The following LPIN2 variants were observed in gnomAD, a reference collection of about 807,000 sequenced individuals.
LPIN2 encodes phosphatidate phosphatase LPIN2.
In LPIN2, 55 loss-of-function variants were observed where a neutral mutation model predicts 111.4. The observed-to-expected ratio is 0.49, with a 90% confidence interval of 0.40 to 0.62. The LOEUF is 0.62. Ranked by LOEUF, LPIN2 falls within the 20% of genes least tolerant of loss-of-function variation. The pLI, the probability that LPIN2 is intolerant of heterozygous loss-of-function variation, is 0.00. For synonymous variants in LPIN2, 425 were observed against 414.0 expected, an observed-to-expected ratio of 1.03 and a Z score of -0.32; for missense variants, 992 against 1,112.1, an observed-to-expected ratio of 0.89 and a Z score of 1.54.
intron 1 of LPIN2, among the ~76,000 whole-genome samples, chr18:3,008,705 C>T (rs1433451479): frequency 5.3e-5 from 8 of 151,998 alleles, no homozygotes. Context: ...TCCTTCCTTC[C>T]CTCCTTCCCA....
chr18:2,975,752 AT>A (rs1420204784), intron 1 of LPIN2, among the ~76,000 whole-genome samples: 1 of 152,238 alleles, frequency 6.6e-6, no homozygotes, highest in African/African-American at 2.4e-5. Flanking sequence ...GCGACTATTG[AT>A]AACCATAAGC....
intron 1 of LPIN2, among the ~76,000 whole-genome samples, chr18:3,008,991 G>A (rs1350608948): frequency 6.6e-6 from 1 of 151,624 alleles, no homozygotes; most frequent in Admixed American, 6.6e-5. Context: ...ATCTGTCCGG[G>A]TGCGGTGGCT....
chr18:2,987,429 C>T lies in LPIN2; in HGVS notation c.-10+25658G>A, dbSNP rs146251789. On this transcript the variant is annotated intron_variant, in intron 1 of 19. Coordinates refer to ENST00000677752, the MANE Select transcript of LPIN2 (RefSeq NM_001375808.2). ...GAGTTGATTATATCATTAAGACAAT[C>T]CAAAGAAAATATAAGTGAAAATTAT... 7.4e-3 allele frequency among the ~76,000 whole-genome samples: 1,127 copies of T among 152,272 alleles called. 16 individuals are homozygous for T. The highest frequency in any genetic ancestry group is 0.026 in the African/African-American group (1,074 of 41,556).
At chr18:2,924,670 A>G (rs2077104422) in intron 14 of LPIN2, 124 bp from the exon 15 acceptor site, 18 of 950,936 alleles carry the variant, frequency 1.9e-5, no homozygotes, top group Non-Finnish European at 3.0e-5. Context: ...CCGGGGTCTT[A>G]GACACAGCCC....
intron 1 of LPIN2, among the ~76,000 whole-genome samples, chr18:2,972,672 G>A (rs1026886400): frequency 6.6e-5 from 10 of 152,112 alleles, no homozygotes; most frequent in African/African-American, 1.4e-4. Flanking sequence ...ATCCTAAAAC[G>A]GTAAGCAGCA....
At chr18:2,926,275 T>C (rs1598524764) in intron 13 of LPIN2, among the ~76,000 whole-genome samples, 1 of 150,938 alleles carries the variant, frequency 6.6e-6, no homozygotes, top group South Asian at 2.1e-4. Context: ...CCGGGGGAGG[T>C]GGACAGGCAG....
At chr18:2,986,266 T>C (rs1449170175) in intron 1 of LPIN2, among the ~76,000 whole-genome samples, 1 of 152,244 alleles carries the variant, frequency 6.6e-6, no homozygotes, top group Non-Finnish European at 1.5e-5. Context: ...GTAATGGTTA[T>C]ATAGTTTACT....
intron 15 of LPIN2, 69 bp from the exon 16 acceptor site, chr18:2,923,930 G>A: frequency 1.6e-6 from 2 of 1,258,096 alleles, no homozygotes; most frequent in Middle Eastern, 3.7e-4. Context: ...CTATTTGGTT[G>A]ACTATCAGCT....
At chr18:2,938,573 A>G (rs368233334) in intron 6 of LPIN2, among the ~76,000 whole-genome samples, 1 of 152,214 alleles carries the variant, frequency 6.6e-6, no homozygotes, top group Non-Finnish European at 1.5e-5. Flanking sequence ...ATACTGGAGA[A>G]GACTGAGGAA....
chr18:2,919,044 C>T lies in LPIN2; in HGVS notation c.*1249G>A, dbSNP rs552810058. 1.3e-5 allele frequency: 2 copies of T among 152,342 alleles called. No individual in the cohort carries two copies. The highest frequency in any genetic ancestry group is 2.4e-5 in the African/African-American group (1 of 41,576). 9.4% of individuals were successfully genotyped at this position (152,342 alleles called of 1,614,324 possible). ...CTGTCAACACTCAGCATACCAAAAG[C>T]TCTGGAGCAGCTTATGGCACACCTT... On this transcript the variant is annotated 3_prime_UTR_variant, in exon 20 of 20. Transcript: ENST00000677752.
chr18:3,009,469 C>T (rs2078566993), intron 1 of LPIN2, among the ~76,000 whole-genome samples: 1 of 151,936 alleles, frequency 6.6e-6, no homozygotes, highest in African/African-American at 2.4e-5. Flanking sequence ...GACAGAGTCT[C>T]GCTCTGTCAC....
intron 11 of LPIN2, 90 bp from the exon 12 acceptor site, chr18:2,927,901 A>G: frequency 9.6e-7 from 1 of 1,047,018 alleles, no homozygotes; most frequent in Non-Finnish European, 1.5e-6. Context: ...GGGCCTTACT[A>G]TGGAATGTGA....
At chr18:2,970,142 C>T (rs914596749) in intron 1 of LPIN2, among the ~76,000 whole-genome samples, 5 of 152,206 alleles carry the variant, frequency 3.3e-5, no homozygotes, top group South Asian at 2.1e-4. Flanking sequence ...CTTTGGGATA[C>T]GTAAGAAGAG....
chr18:2,928,546 A>G (rs1336684186), intron 11 of LPIN2, 45 bp downstream of exon 11: 1 of 1,572,178 alleles, frequency 6.4e-7, no homozygotes, highest in Non-Finnish European at 8.8e-7. Flanking sequence ...AGTACTAGAC[A>G]CTGCGGATGC....
At chr18:2,923,061 C>T (rs932597727) in intron 16 of LPIN2, among the ~76,000 whole-genome samples, 43 of 152,092 alleles carry the variant, frequency 2.8e-4, no homozygotes, top group African/African-American at 9.7e-4. Context: ...AAAGGGTGCC[C>T]CAAGAGAGAG....
chr18:2,979,333 T>C (rs1056561068), intron 1 of LPIN2, among the ~76,000 whole-genome samples: 2 of 152,126 alleles, frequency 1.3e-5, no homozygotes, highest in Non-Finnish European at 2.9e-5. Context: ...GTATGCTGAG[T>C]ATGTAATCAG....
In LPIN2 at chr18:2,917,837, G is replaced by T. The variant is rs982596315; in HGVS notation, c.*2456C>A. ...CATTTCACCAATGGAGTAACTGAGA[G>T]AATAATGACTTAGAGCCCAATCTGC... On this transcript the variant is annotated 3_prime_UTR_variant, in exon 20 of 20. Coordinates refer to ENST00000677752, the MANE Select transcript of LPIN2 (RefSeq NM_001375808.2). 1.3e-5 allele frequency: 2 copies of T among 152,158 alleles called. No homozygotes were observed. Among genetic ancestry groups the T allele is most frequent in the Admixed American group, 1.3e-4 (2 of 15,276 alleles). The allele number at this position is 152,158 out of a possible 1,614,324, so 9.4% of individuals were successfully genotyped here. A position where few individuals can be genotyped will look rare whatever the true frequency, so the allele number is the denominator to read the frequency against.
At chr18:2,946,353 C>T in intron 4 of LPIN2, 1 of 1,500,708 alleles carries the variant, frequency 6.7e-7, no homozygotes. Flanking sequence ...TTATGTCTAC[C>T]TTTTGTACAG....
intron 1 of LPIN2, among the ~76,000 whole-genome samples, chr18:2,973,032 T>C (rs1413876523): frequency 6.6e-6 from 1 of 152,168 alleles, no homozygotes; most frequent in Non-Finnish European, 1.5e-5. Context: ...TGTTTATAAT[T>C]AATAATGAAA....
Sources: gnomAD v4.1 joint callset for allele counts (sites outside exome capture counted in the v4.1 genomes callset) on GRCh38, gnomAD v4.1.1 for gene constraint, MANE v1.5 for transcripts, NCBI Gene and HGNC (gene_info 2026-07-23, HGNC 2026-07-21) for gene names.